Variants in ADAMTSL1 observed in about 807,000 individuals in gnomAD.
The protein encoded by ADAMTSL1 is ADAMTS-like protein 1.
In ADAMTSL1, 126 loss-of-function variants were observed where a neutral mutation model predicts 201.8. The observed-to-expected ratio is 0.62, with a 90% CI of 0.54 to 0.72. The LOEUF is 0.72. ADAMTSL1 is among the 30% of genes least tolerant of loss of function. The pLI, the probability that ADAMTSL1 is intolerant of heterozygous loss-of-function variation, is 0.00. For synonymous variants in ADAMTSL1, 1,121 were observed against 903.4 expected (o/e 1.24, Z -4.32); for missense variants, 2,679 against 2,277.8 (o/e 1.18, Z -3.59).
chr9:18,110,270 A>G lies in ADAMTSL1; in HGVS notation c.88-53592A>G, dbSNP rs796193163. Among the ~76,000 whole-genome samples, 6 of 152,288 alleles carry G rather than the reference A, an allele frequency of 3.9e-5. No individual in the cohort carries two copies. In the South Asian group the frequency reaches 8.3e-4, roughly 21 times the overall value. ...AGTGTCTAATTCTCAGCTCTCTGGC[A>G]TCTCAAGGGTCTTCCATGATCATTC... On this transcript the variant is annotated intron_variant, in intron 1 of 29. Coordinates refer to the ADAMTSL1 transcript ENST00000680146.
At chr9:18,080,269 A>G (rs1305510098) in intron 1 of ADAMTSL1, among the ~76,000 whole-genome samples, 2 of 152,164 alleles carry the variant, frequency 1.3e-5, no homozygotes, top group African/African-American at 4.8e-5. Flanking sequence ...TAAGGTAGAG[A>G]TATAAGGTAA....
At chr9:18,057,270 T>C (rs1322498019) in intron 1 of ADAMTSL1, among the ~76,000 whole-genome samples, 1 of 152,220 alleles carries the variant, frequency 6.6e-6, no homozygotes, top group Admixed American at 6.5e-5. Flanking sequence ...GTCAGACGAT[T>C]TTTCCTTTCA....
chr9:18,865,197 C>T (rs532996362), intron 23 of ADAMTSL1, among the ~76,000 whole-genome samples: 6 of 152,108 alleles, frequency 3.9e-5, no homozygotes, highest in South Asian at 2.1e-4. Context: ...CCGCTCCCCC[C>T]ACCCCACAAT....
chr9:18,316,270 A>G (rs1006981450), intron 2 of ADAMTSL1, among the ~76,000 whole-genome samples: 3 of 152,126 alleles, frequency 2.0e-5, no homozygotes, highest in African/African-American at 7.2e-5. Context: ...ATTGTCACTG[A>G]TAACATCTTA....
At chr9:18,096,571 T>C (rs1401128464) in intron 1 of ADAMTSL1, among the ~76,000 whole-genome samples, 1 of 152,210 alleles carries the variant, frequency 6.6e-6, no homozygotes, top group Non-Finnish European at 1.5e-5. Flanking sequence ...TGAAGCATGT[T>C]CTCTGTCACA....
chr9:18,117,090 C>A (rs939099608), intron 1 of ADAMTSL1, among the ~76,000 whole-genome samples: 3 of 152,148 alleles, frequency 2.0e-5, no homozygotes, highest in Non-Finnish European at 4.4e-5. Context: ...TGTCCAGAAT[C>A]TAATCAGTCC....
intron 2 of ADAMTSL1, among the ~76,000 whole-genome samples, chr9:18,448,788 G>T (rs750758863): frequency 1.6e-4 from 25 of 151,982 alleles, no homozygotes; most frequent in Non-Finnish European, 3.1e-4. Flanking sequence ...AAGTATGGCT[G>T]CCCAGGTATA....
At chr9:18,533,707 T>TA (rs1819583804) in intron 3 of ADAMTSL1, among the ~76,000 whole-genome samples, 1 of 152,244 alleles carries the variant, frequency 6.6e-6, no homozygotes, top group Non-Finnish European at 1.5e-5. Context: ...TGTGAGGCAC[T>TA]ACACCAGTAC....
chr9:18,634,366 C>G, intron 5 of ADAMTSL1, among the ~76,000 whole-genome samples: 1 of 151,540 alleles, frequency 6.6e-6, no homozygotes, highest in African/African-American at 2.4e-5. Context: ...GAGTTCAAGA[C>G]AAGCGTGGGC....
chr9:18,680,398 T>G lies in ADAMTSL1; in HGVS notation c.1223T>G (p.Ile408Ser). The G allele has an allele frequency of 6.2e-7, 1 of 1,614,098 alleles. No individual in the cohort carries two copies. The highest frequency in any genetic ancestry group is 8.5e-7 in the Non-Finnish European group (1 of 1,180,008). ...SRAVSCVEEDIQGHVTSVEEW... is the reference protein window; with the variant it reads ...SRAVSCVEEDSQGHVTSVEEW... ...GCAGTTTCCTGTGTGGAGGAGGACATCCAGGGGCATGTCACTTCAGTGGAA... is the reference window on the plus strand; with the variant it reads ...GCAGTTTCCTGTGTGGAGGAGGACAGCCAGGGGCATGTCACTTCAGTGGAA... Residue 408 changes from isoleucine (I) to serine (S), a missense_variant, in exon 11 of 29, where the codon ATC (isoleucine) becomes AGC (serine). Ile to Ser is a moderately radical substitution (Grantham distance 142, BLOSUM62 -2). Coordinates refer to ENST00000380548, the MANE Select transcript of ADAMTSL1 (RefSeq NM_001040272.6).
At chr9:18,228,916 A>G (rs1830536988) in intron 2 of ADAMTSL1, among the ~76,000 whole-genome samples, 1 of 150,342 alleles carries the variant, frequency 6.7e-6, no homozygotes, top group African/African-American at 2.5e-5. Context: ...TCTTTAGATG[A>G]CAATTTCTTT....
At chr9:18,176,007 C>CAAAAAAAA (rs57982328) in intron 2 of ADAMTSL1, among the ~76,000 whole-genome samples, 2 of 62,578 alleles carry the variant, frequency 3.2e-5, no homozygotes, top group African/African-American at 1.4e-4. Context: ...AGAGGGAAAG[C>CAAAAAAAA]AAAAAAAAAA....
rs1317705912 is a variant in ADAMTSL1, at chr9:18,109,363, C to A, written c.88-54499C>A. Among the ~76,000 whole-genome samples, 3 of 152,116 alleles carry A rather than the reference C, an allele frequency of 2.0e-5. No homozygotes were observed. In the East Asian group the frequency reaches 5.8e-4, roughly 29 times the overall value. ...CAGGTCATCCAGGAAGAGTTTGGAG[C>A]CTGCACACAGTAGCCCAGGAAGTAG... On this transcript the variant is annotated intron_variant, in intron 1 of 29. Transcript: ENST00000680146.
At chr9:17,978,361 T>C (rs925582698) in intron 1 of ADAMTSL1, among the ~76,000 whole-genome samples, 1 of 152,072 alleles carries the variant, frequency 6.6e-6, no homozygotes, top group African/African-American at 2.4e-5. Context: ...TTGTAGTTCC[T>C]TTGTTATTTT....
intron 1 of ADAMTSL1, among the ~76,000 whole-genome samples, chr9:18,096,687 T>C (rs1159953182): frequency 6.6e-6 from 1 of 152,224 alleles, no homozygotes; most frequent in Admixed American, 6.5e-5. Context: ...AATTCACTTT[T>C]GTAGGTTTTG....
At chr9:18,397,068 AT>A (rs948819859) in intron 2 of ADAMTSL1, among the ~76,000 whole-genome samples, 5 of 150,334 alleles carry the variant, frequency 3.3e-5, no homozygotes, top group African/African-American at 1.3e-4. Flanking sequence ...GGGATCTACT[AT>A]TTTTTAACCC....
intron 1 of ADAMTSL1, among the ~76,000 whole-genome samples, chr9:18,080,479 G>T (rs7048100): frequency 0.25 from 38,015 of 152,066 alleles, 5,571 homozygotes; most frequent in East Asian, 0.44. Flanking sequence ...AGAGAAAAAG[G>T]TACTTGTGCT....
intron 2 of ADAMTSL1, among the ~76,000 whole-genome samples, chr9:18,181,270 G>A (rs1828461427): frequency 6.6e-6 from 1 of 152,120 alleles, no homozygotes; most frequent in Non-Finnish European, 1.5e-5. Flanking sequence ...GGCAACAAAA[G>A]CCAAAATTGA....
At chr9:18,509,352 T>C (rs1817884100) in intron 2 of ADAMTSL1, among the ~76,000 whole-genome samples, 2 of 152,170 alleles carry the variant, frequency 1.3e-5, no homozygotes, top group Admixed American at 6.5e-5. Context: ...CCAGCAAGAA[T>C]TTATTAGTTT....
Sources: gnomAD v4.1 joint callset for allele counts (sites outside exome capture counted in the v4.1 genomes callset) on GRCh38, gnomAD v4.1.1 for gene constraint, MANE v1.5 for transcripts, NCBI Gene and HGNC (gene_info 2026-07-23, HGNC 2026-07-21) for gene names.